The following DPP10 variants were observed in gnomAD, a reference collection of about 807,000 sequenced individuals.
DPP10 encodes dipeptidyl peptidase like 10, also known as inactive dipeptidyl peptidase 10.
Under a neutral mutation model 120.9 loss-of-function variants are expected in DPP10, and 33 were observed. The observed-to-expected ratio is 0.27, with a 90% CI of 0.21 to 0.37. The LOEUF (loss-of-function observed/expected upper bound fraction) is 0.37. Ranked by LOEUF, DPP10 falls within the 10% of genes least tolerant of loss-of-function variation. The pLI is 1.00. For missense variants in DPP10, 816 were observed against 942.8 expected (o/e 0.87, Z 1.76); for synonymous variants, 337 against 326.1 (o/e 1.03, Z -0.36).
chr2:114,850,698 C>G (rs993394659), intron 1 of DPP10, among the ~76,000 whole-genome samples: 3 of 151,990 alleles, frequency 2.0e-5, no homozygotes, highest in Non-Finnish European at 4.4e-5. Context: ...AATGGGGAGT[C>G]CACTTCTCTC....
intron 19 of DPP10, among the ~76,000 whole-genome samples, chr2:115,807,384 C>T (rs13416281): frequency 0.44 from 66,202 of 151,948 alleles, 15,114 homozygotes; most frequent in African/African-American, 0.55. Flanking sequence ...CAGTCCATTT[C>T]TGAGTTTTAG....
intron 1 of DPP10, among the ~76,000 whole-genome samples, chr2:115,165,675 T>C (rs2105008571): frequency 6.6e-6 from 1 of 152,252 alleles, no homozygotes; most frequent in African/African-American, 2.4e-5. Flanking sequence ...TTTTTAATGG[T>C]CAATCAGACA....
chr2:115,541,049 A>G (rs938893535), intron 5 of DPP10, among the ~76,000 whole-genome samples: 1 of 151,918 alleles, frequency 6.6e-6, no homozygotes, highest in African/African-American at 2.4e-5. Flanking sequence ...TGTAAAAGAT[A>G]CTGTGAAAGG....
intron 1 of DPP10, among the ~76,000 whole-genome samples, chr2:114,491,130 C>A (rs1262977617): frequency 2.0e-5 from 3 of 152,044 alleles, no homozygotes; most frequent in African/African-American, 7.2e-5. Context: ...CCAATTATAC[C>A]TGATGGACTC....
At chr2:114,746,716 A>G (rs1317059379) in intron 1 of DPP10, among the ~76,000 whole-genome samples, 7 of 152,186 alleles carry the variant, frequency 4.6e-5, no homozygotes, top group Non-Finnish European at 1.0e-4. Flanking sequence ...GAGAGCCAGG[A>G]AACAGATTGT....
chr2:114,856,425 A>G (rs978534922), intron 1 of DPP10, among the ~76,000 whole-genome samples: 16 of 152,348 alleles, frequency 1.1e-4, no homozygotes, highest in African/African-American at 2.2e-4. Flanking sequence ...CAATATGTCA[A>G]TATTTCAATG....
chr2:114,695,763 G>A (rs1700033765), intron 1 of DPP10, among the ~76,000 whole-genome samples: 1 of 152,076 alleles, frequency 6.6e-6, no homozygotes, highest in African/African-American at 2.4e-5. Context: ...GAGAATTGGA[G>A]TCTTGTAAAA....
chr2:115,773,840 C>T (rs1681764935), intron 13 of DPP10, among the ~76,000 whole-genome samples: 1 of 151,934 alleles, frequency 6.6e-6, no homozygotes, highest in Non-Finnish European at 1.5e-5. Context: ...GATTATTAGC[C>T]AGGTCAAAAT....
chr2:115,162,205 C>T, intron 1 of DPP10: 2 of 1,555,202 alleles, frequency 1.3e-6, no homozygotes, highest in Non-Finnish European at 1.7e-6. Flanking sequence ...GTTAGAGCCT[C>T]TGCGTGCGCT....
intron 5 of DPP10, among the ~76,000 whole-genome samples, chr2:115,538,941 G>T (rs1275708796): frequency 6.6e-6 from 1 of 151,706 alleles, no homozygotes; most frequent in Non-Finnish European, 1.5e-5. Context: ...ATAATATTTG[G>T]GATATACTGG....
In DPP10 at chr2:115,347,724, C is replaced by T. The variant is rs949379462; in HGVS notation, c.271+3812C>T. Among the ~76,000 whole-genome samples, 6 of 152,100 alleles carry T rather than the reference C, an allele frequency of 3.9e-5. No homozygotes were observed. In the East Asian group the frequency reaches 7.8e-4, roughly 20 times the overall value. On this transcript the variant is annotated intron_variant, in intron 3 of 25. Coordinates refer to ENST00000410059, the MANE Select transcript of DPP10 (RefSeq NM_020868.6). ...TGCAACTCCCACTTATGAGTGAGAACGTGCTTTGTTTGTTTTTCTGTCCTT... is the reference window on the plus strand; with the variant it reads ...TGCAACTCCCACTTATGAGTGAGAATGTGCTTTGTTTGTTTTTCTGTCCTT...
intron 3 of DPP10, among the ~76,000 whole-genome samples, chr2:115,485,672 AG>A (rs2075733713): frequency 6.6e-6 from 1 of 152,130 alleles, no homozygotes; most frequent in African/African-American, 2.4e-5. Context: ...AAATTGATAA[AG>A]GTAAAGTTAT....
At chr2:115,476,315 G>A (rs906677267) in intron 3 of DPP10, among the ~76,000 whole-genome samples, 9 of 152,200 alleles carry the variant, frequency 5.9e-5, no homozygotes, top group Non-Finnish European at 1.0e-4. Context: ...TTCTGCAGCC[G>A]TGTAAGACAT....
chr2:115,053,783 A>G (rs1296212027), intron 1 of DPP10, among the ~76,000 whole-genome samples: 1 of 152,196 alleles, frequency 6.6e-6, no homozygotes, highest in Non-Finnish European at 1.5e-5. Flanking sequence ...GAAACTCACA[A>G]TCATGTTAAA....
At chr2:115,190,745 G>A (rs922432977) in intron 1 of DPP10, among the ~76,000 whole-genome samples, 2 of 152,150 alleles carry the variant, frequency 1.3e-5, no homozygotes, top group Admixed American at 6.5e-5. Flanking sequence ...TGCCCGGTCC[G>A]TGAGAGAACC....
intron 1 of DPP10, among the ~76,000 whole-genome samples, chr2:114,775,167 G>A (rs1475528509): frequency 6.6e-6 from 1 of 152,064 alleles, no homozygotes; most frequent in Non-Finnish European, 1.5e-5. Flanking sequence ...GCAAAATCTT[G>A]ATTAGTCCTA....
intron 3 of DPP10, among the ~76,000 whole-genome samples, chr2:115,467,770 G>T (rs2074422809): frequency 6.6e-6 from 1 of 152,074 alleles, no homozygotes; most frequent in African/African-American, 2.4e-5. Context: ...GACTACAATG[G>T]AATATTTATT....
At chr2:115,401,099 A>G (rs959987105) in intron 3 of DPP10, among the ~76,000 whole-genome samples, 1 of 152,238 alleles carries the variant, frequency 6.6e-6, no homozygotes, top group African/African-American at 2.4e-5. Context: ...AAGGTCTCGC[A>G]TATCACTGGC....
chr2:115,073,940 GT>G (rs1249629553), intron 1 of DPP10, among the ~76,000 whole-genome samples: 1 of 152,224 alleles, frequency 6.6e-6, no homozygotes, highest in Non-Finnish European at 1.5e-5. Flanking sequence ...ACATGAGCCT[GT>G]TCTCTATTTG....
Sources: gnomAD v4.1 joint callset for allele counts (sites outside exome capture counted in the v4.1 genomes callset) on GRCh38, gnomAD v4.1.1 for gene constraint, MANE v1.5 for transcripts, NCBI Gene and HGNC (gene_info 2026-07-23, HGNC 2026-07-21) for gene names.